The following PRAMEF20 variants were observed in gnomAD, a reference collection of about 807,000 sequenced individuals.
PRAMEF20 encodes PRAME family member 20/21.
PRAMEF20 carries 27 observed loss-of-function variants against 32.4 expected under a neutral mutation model. That is an observed-to-expected ratio of 0.83 (90% CI 0.61 to 1.15). The LOEUF is 1.15. PRAMEF20 is among the 50% of genes most tolerant of loss of function. The pLI is 0.00. For synonymous variants in PRAMEF20, 256 were observed against 235.4 expected (o/e 1.09, Z -0.80); for missense variants, 604 against 584.5 (o/e 1.03, Z -0.34).
intron 1 of PRAMEF20, 121 bp from the exon 3 acceptor site, chr1:13,418,000 TC>T (rs1641200866): frequency 6.6e-7 from 1 of 1,515,260 alleles, no homozygotes; most frequent in Non-Finnish European, 9.0e-7. Context: ...GTTCTCGATC[TC>T]CTGACCTTGT....
upstream of PRAMEF20, among the ~76,000 whole-genome samples, chr1:13,411,470 C>T (rs377328653): frequency 0.18 from 27,976 of 152,100 alleles, 2,763 homozygotes; most frequent in South Asian, 0.27. Context: ...ATGCTAGCAT[C>T]CCATTCAGAC....
At chr1:13,418,004 G>A in intron 1 of PRAMEF20, 118 bp from the exon 3 acceptor site, 1 of 1,532,508 alleles carries the variant, frequency 6.5e-7, no homozygotes, top group Middle Eastern at 2.4e-4. Flanking sequence ...TCGATCTCCT[G>A]ACCTTGTGAT....
upstream of PRAMEF20, among the ~76,000 whole-genome samples, chr1:13,414,334 C>T (rs1641142328): frequency 6.6e-6 from 1 of 151,370 alleles, no homozygotes; most frequent in Non-Finnish European, 1.5e-5. Context: ...GCCAGGATTA[C>T]AGGCGTGAGC....
At chr1:13,416,455 A>C (rs1641172652) in exon 1 of PRAMEF20, 2 of 1,613,934 alleles carry the variant, frequency 1.2e-6, no homozygotes, top group Non-Finnish European at 1.7e-6. Flanking sequence ...CTGCCCACGG[A>C]ACTTTTTCCC....
At chr1:13,416,692 G>A in intron 1 of PRAMEF20, 51 bp downstream of exon 2, 1 of 1,613,282 alleles carries the variant, frequency 6.2e-7, no homozygotes, top group Non-Finnish European at 8.5e-7. Context: ...TCCAACAGAA[G>A]GAACAGCTGG....
chr1:13,420,299 C>G (rs1641228820), intron 2 of PRAMEF20, among the ~76,000 whole-genome samples: 1 of 152,182 alleles, frequency 6.6e-6, no homozygotes. Context: ...CAACTTCCAT[C>G]TCCTGGGTTC....
At chr1:13,421,203 C>T in exon 3 of PRAMEF20, 1 of 1,613,944 alleles carries the variant, frequency 6.2e-7, no homozygotes, top group Non-Finnish European at 8.5e-7. Flanking sequence ...GACTACTGCC[C>T]TCAGTGTGGC....
chr1:13,420,601 A>G (rs1403007342), intron 2 of PRAMEF20, 96 bp from the exon 4 acceptor site: 8 of 1,562,990 alleles, frequency 5.1e-6, no homozygotes, highest in Non-Finnish European at 7.0e-6. Flanking sequence ...GGGCTTGGGC[A>G]AAATGGTCTC....
At chr1:13,416,576 C>T in exon 1 of PRAMEF20, 1 of 1,614,194 alleles carries the variant, frequency 6.2e-7, no homozygotes, top group Non-Finnish European at 8.5e-7. Flanking sequence ...AAAGGCCTTG[C>T]CCAGAGACCT....
At chr1:13,410,908 A>G in the PRAMEF20 span, among the ~76,000 whole-genome samples, 1 of 151,864 alleles carries the variant, frequency 6.6e-6, no homozygotes, top group Non-Finnish European at 1.5e-5. Flanking sequence ...GCCAGGCTGC[A>G]GTGCAGTGGC....
upstream of PRAMEF20, among the ~76,000 whole-genome samples, chr1:13,415,268 G>A (rs1641157628): frequency 6.6e-6 from 1 of 152,090 alleles, no homozygotes; most frequent in Non-Finnish European, 1.5e-5. Flanking sequence ...TTTTAGTACA[G>A]ACAGGGTTTC....
upstream of PRAMEF20, among the ~76,000 whole-genome samples, chr1:13,414,641 T>A (rs1641146439): frequency 6.6e-6 from 1 of 151,716 alleles, no homozygotes; most frequent in Non-Finnish European, 1.5e-5. Flanking sequence ...GTGGGTTTTT[T>A]TTTAGTAGAG....
chr1:13,416,572 C>T, exon 1 of PRAMEF20: 1 of 1,614,154 alleles, frequency 6.2e-7, no homozygotes, highest in Non-Finnish European at 8.5e-7. Flanking sequence ...ATGAAAAGGC[C>T]TTGCCCAGAG....
Position 13,418,715 on chromosome 1 carries a change from T to C in PRAMEF20, c.866+15T>C. The C allele has an allele frequency of 6.2e-7, 1 of 1,612,966 alleles. No homozygotes were observed. Among genetic ancestry groups the C allele is most frequent in the South Asian group, 1.1e-5 (1 of 91,046 alleles). The stretch of plus-strand genomic sequence containing the variant: ...CAGATGCTCAGGTGAGGAAGGGTAG[T>C]GAGCTTTCTCTGCAGACCACAGCAG... On this transcript the variant is annotated intron_variant, in intron 2 of 2. Transcript: ENST00000602960.
exon 3 of PRAMEF20, chr1:13,421,052 T>A (rs1201325324): frequency 1.4e-5 from 23 of 1,613,838 alleles, no homozygotes; most frequent in Non-Finnish European, 1.9e-5. Context: ...CAACAACTTA[T>A]GCCTGGAGCT....
chr1:13,417,555 A>G (rs1641189919), intron 1 of PRAMEF20, among the ~76,000 whole-genome samples: 2 of 150,402 alleles, frequency 1.3e-5, no homozygotes, highest in South Asian at 4.3e-4. Context: ...GTGAGGCGAG[A>G]TTGCGCCACT....
chr1:13,416,777 T>C (rs1641179458), intron 1 of PRAMEF20, 136 bp downstream of exon 2: 1 of 1,551,412 alleles, frequency 6.4e-7, no homozygotes, highest in Admixed American at 2.1e-5. Context: ...TAGAGAGGCC[T>C]TGGCCATTGC....
At position 13,421,143 on chromosome 1, in the gene PRAMEF20, TG is replaced by T. The variant is rs1208067768; in HGVS notation, c.1317del (p.Arg440GlufsTer2). The T allele has an allele frequency of 1.2e-6, 2 of 1,613,756 alleles. No individual in the cohort carries two copies. The highest frequency in any genetic ancestry group is 1.7e-6 in the Non-Finnish European group (2 of 1,179,854). ...TTTGCCCAACTTGGGGCTGAGCTGA[TG>T]GGGAGAGTGAGGGCCTTAAGGGAGC... On this transcript the variant is annotated frameshift_variant, in exon 3 of 3. Coordinates refer to ENST00000602960, the Ensembl canonical transcript of PRAMEF20. LOFTEE classifies it high-confidence loss of function.
At chr1:13,421,018 C>T (rs1641236827) in exon 3 of PRAMEF20, 2 of 1,613,810 alleles carry the variant, frequency 1.2e-6, no homozygotes, top group African/African-American at 2.7e-5. Flanking sequence ...CCCTGGAGAA[C>T]CTGCTGTGCC....
Sources: gnomAD v4.1 joint callset for allele counts (sites outside exome capture counted in the v4.1 genomes callset) on GRCh38, gnomAD v4.1.1 for gene constraint, MANE v1.5 for transcripts, NCBI Gene and HGNC (gene_info 2026-07-23, HGNC 2026-07-21) for gene names.